SRGAP3: variants seen among roughly 807,000 people sequenced by gnomAD.
The protein encoded by SRGAP3 is SLIT-ROBO Rho GTPase-activating protein 3.
SRGAP3 carries 39 observed loss-of-function variants against 121.1 expected under a neutral mutation model. The ratio of observed to expected loss-of-function variants is 0.32; its 90% CI spans 0.25 to 0.42. The LOEUF is 0.42. SRGAP3 is among the 10% of genes least tolerant of loss of function. SRGAP3 has a pLI of 1.00. For synonymous variants in SRGAP3, 601 were observed against 570.0 expected, an observed-to-expected ratio of 1.05 and a Z score of -0.77; for missense variants, 1,213 against 1,470.6, an observed-to-expected ratio of 0.82 and a Z score of 2.86.
chr3:9,116,922 G>A (rs769505115), intron 2 of SRGAP3, among the ~76,000 whole-genome samples: 1 of 152,208 alleles, frequency 6.6e-6, no homozygotes, highest in Non-Finnish European at 1.5e-5. Context: ...AAGGTGCAAT[G>A]AGATGATGCC....
At chr3:9,026,748 C>T (rs1352044365) in intron 13 of SRGAP3, among the ~76,000 whole-genome samples, 187 bp downstream of exon 13, 1 of 152,206 alleles carries the variant, frequency 6.6e-6, no homozygotes, top group Non-Finnish European at 1.5e-5. Flanking sequence ...CCATGATCTC[C>T]ATCCCTCAAC....
chr3:8,997,472 C>CA (rs1315555292), intron 18 of SRGAP3, among the ~76,000 whole-genome samples: 2 of 152,206 alleles, frequency 1.3e-5, no homozygotes, highest in Non-Finnish European at 2.9e-5. Context: ...CTCCCCTGTT[C>CA]AAAATCCTCA....
At chr3:9,000,590 G>A (rs981028172) in intron 18 of SRGAP3, among the ~76,000 whole-genome samples, 4 of 152,204 alleles carry the variant, frequency 2.6e-5, no homozygotes, top group Non-Finnish European at 5.9e-5. Context: ...AGTGGAGGTC[G>A]TGTTGAAGGG....
At chr3:9,114,582 G>T (rs117444229) in intron 2 of SRGAP3, among the ~76,000 whole-genome samples, 2 of 152,180 alleles carry the variant, frequency 1.3e-5, no homozygotes, top group East Asian at 3.8e-4. Flanking sequence ...CAGCATGAGG[G>T]TACACGTTGG....
intron 3 of SRGAP3, among the ~76,000 whole-genome samples, chr3:9,094,248 T>G (rs918313003): frequency 2.0e-5 from 3 of 152,242 alleles, no homozygotes; most frequent in African/African-American, 7.2e-5. Context: ...TGTACCTTAC[T>G]TTTTTCACCC....
chr3:9,262,039 G>A (rs1325419720), intron 3 of SRGAP3, among the ~76,000 whole-genome samples: 2 of 152,168 alleles, frequency 1.3e-5, no homozygotes, highest in African/African-American at 2.4e-5. Context: ...AGCCAGAACA[G>A]AGTGGGGGCC....
chr3:9,080,202 G>A (rs771932674), intron 3 of SRGAP3, 115 bp from the exon 4 acceptor site: 37 of 930,528 alleles, frequency 4.0e-5, no homozygotes, highest in Non-Finnish European at 5.8e-5. Flanking sequence ...AAGGGGTACA[G>A]AAATCAGCAT....
chr3:9,327,786 T>C (rs968660128), intron 2 of SRGAP3, among the ~76,000 whole-genome samples: 1 of 152,254 alleles, frequency 6.6e-6, no homozygotes, highest in Non-Finnish European at 1.5e-5. Context: ...ATAAATTCCA[T>C]TTCATAAATT....
At chr3:9,228,171 G>C (rs1202530799) in intron 1 of SRGAP3, among the ~76,000 whole-genome samples, 1 of 152,020 alleles carries the variant, frequency 6.6e-6, no homozygotes, top group Non-Finnish European at 1.5e-5. Context: ...GAAGGGTGTC[G>C]TGGGGACCCA....
At chr3:9,290,228 T>C (rs1240551638) in intron 3 of SRGAP3, among the ~76,000 whole-genome samples, 2 of 152,240 alleles carry the variant, frequency 1.3e-5, no homozygotes, top group South Asian at 2.1e-4. Flanking sequence ...CATAACTTGC[T>C]AGCTCACTAA....
At chr3:9,209,820 T>C (rs1478870455) in intron 1 of SRGAP3, among the ~76,000 whole-genome samples, 1 of 152,220 alleles carries the variant, frequency 6.6e-6, no homozygotes, top group African/African-American at 2.4e-5. Flanking sequence ...GAAGCCTATG[T>C]ACACATAGAG....
chr3:9,241,859 T>C (rs1038088077), intron 1 of SRGAP3, among the ~76,000 whole-genome samples: 1 of 151,888 alleles, frequency 6.6e-6, no homozygotes, highest in Non-Finnish European at 1.5e-5. Context: ...GGTGGATTGC[T>C]TGAGCTCAGG....
At chr3:9,048,464 A>G (rs1422284101) in intron 9 of SRGAP3, among the ~76,000 whole-genome samples, 1 of 152,226 alleles carries the variant, frequency 6.6e-6, no homozygotes, top group Non-Finnish European at 1.5e-5. Context: ...GAGGGAGACA[A>G]TAAACGAACA....
intron 1 of SRGAP3, among the ~76,000 whole-genome samples, chr3:9,216,049 CAT>C (rs1045897540): frequency 1.1e-4 from 17 of 151,944 alleles, no homozygotes; most frequent in Non-Finnish European, 2.1e-4. Flanking sequence ...CACATGTATA[CAT>C]ATATATATGT....
intron 3 of SRGAP3, among the ~76,000 whole-genome samples, chr3:9,096,696 A>G (rs1253166606): frequency 6.6e-6 from 1 of 151,770 alleles, no homozygotes; most frequent in African/African-American, 2.4e-5. Flanking sequence ...GTTATAAAAG[A>G]AGAGACAAGA....
intron 1 of SRGAP3, among the ~76,000 whole-genome samples, chr3:9,362,559 C>A (rs1489225921): frequency 6.6e-6 from 1 of 152,004 alleles, no homozygotes; most frequent in African/African-American, 2.4e-5. Flanking sequence ...ACAGAAGAAT[C>A]ACTTGAACCC....
intron 3 of SRGAP3, among the ~76,000 whole-genome samples, chr3:9,279,575 G>A (rs574648489): frequency 5.5e-4 from 81 of 147,044 alleles, no homozygotes; most frequent in Admixed American, 5.2e-3. Flanking sequence ...GTGCAGTGGC[G>A]CAATCTCGGC....
chr3:9,068,116 C>T (rs1295285124), intron 4 of SRGAP3, among the ~76,000 whole-genome samples: 1 of 152,144 alleles, frequency 6.6e-6, no homozygotes, highest in Non-Finnish European at 1.5e-5. Context: ...ATCCCATCCC[C>T]GTCTGCGTTC....
At chr3:9,228,538 T>G (rs892369812) in intron 1 of SRGAP3, among the ~76,000 whole-genome samples, 1 of 152,282 alleles carries the variant, frequency 6.6e-6, no homozygotes, top group East Asian at 1.9e-4. Context: ...CAGAGAGGCC[T>G]TCCTAAATCC....
Sources: allele counts gnomAD v4.1 joint callset (sites outside exome capture counted in the v4.1 genomes callset), GRCh38; gene constraint gnomAD v4.1.1; transcripts MANE v1.5; gene names NCBI Gene and HGNC (gene_info 2026-07-23, HGNC 2026-07-21).